Variants in ZC3H14 observed in about 807,000 individuals in gnomAD.
The protein encoded by ZC3H14 is zinc finger CCCH-type containing 14.
A neutral mutation model predicts 92.4 loss-of-function variants in ZC3H14; 31 were observed. The ratio of observed to expected loss-of-function variants is 0.34; its 90% CI spans 0.25 to 0.45. The LOEUF (loss-of-function observed/expected upper bound fraction) is 0.45, where lower values mean the gene tolerates loss of function less well. Ranked by LOEUF, ZC3H14 falls within the 20% of genes least tolerant of loss-of-function variation. The probability of loss-of-function intolerance (pLI) is 1.00; values close to 1 mark genes in which losing one functional copy is unlikely to be tolerated. For missense variants in ZC3H14, 781 were observed against 897.3 expected (o/e 0.87, Z 1.66); for synonymous variants, 321 against 300.9 (o/e 1.07, Z -0.69).
rs1436158101 is a variant in ZC3H14 at position 88,616,604 on chromosome 14, G to C, written c.*4853G>C. 7.9e-6 allele frequency: 8 copies of C among 1,009,134 alleles called. No homozygotes were observed. The highest frequency in any genetic ancestry group is 5.8e-5 in the Admixed American group (2 of 34,332). 62.5% of individuals were successfully genotyped at this position (1,009,134 alleles called of 1,614,324 possible). On this transcript the variant is annotated 3_prime_UTR_variant, in exon 17 of 17. Coordinates refer to ENST00000251038, the MANE Select transcript of ZC3H14 (RefSeq NM_024824.5). ...TTTTATTTCAAAGTAAATAGATTTAGAAAGTTTGGGGAAAAATTTAGAAAT... is the reference window on the plus strand; with the variant it reads ...TTTTATTTCAAAGTAAATAGATTTACAAAGTTTGGGGAAAAATTTAGAAAT...
chr14:88,602,700 C>T, intron 11 of ZC3H14, 128 bp from the exon 12 acceptor site: 1 of 961,318 alleles, frequency 1.0e-6, no homozygotes, highest in Non-Finnish European at 1.6e-6. Flanking sequence ...GGTAGCCCTA[C>T]CTAGTCTTTT....
In ZC3H14 at chr14:88,620,889, C is replaced by T. The variant is rs769067732; in HGVS notation, c.*9138C>T. 1.2e-5 allele frequency: 18 copies of T among 1,535,576 alleles called. No homozygotes were observed. The highest frequency in any genetic ancestry group is 5.0e-5 in the South Asian group (4 of 79,390). On this transcript the variant is annotated 3_prime_UTR_variant, in exon 17 of 17. Transcript: ENST00000251038. The surrounding 1 kb of genome is among the most constrained non-coding windows in gnomAD (Gnocchi z 4.3). ...CCCTTCAGGGCTGTAACACACAGTA[C>T]GAGCAGCATGTCCCAAATTCACTTT...
At chr14:88,567,111 AT>A (rs1278362356) in intron 2 of ZC3H14, among the ~76,000 whole-genome samples, 2 of 14,664 alleles carry the variant, frequency 1.4e-4, no homozygotes, top group Non-Finnish European at 6.2e-4. Flanking sequence ...TCTTTTATTT[AT>A]TTTATTTATT....
chr14:88,582,124 A>G (rs2081977863), intron 9 of ZC3H14, among the ~76,000 whole-genome samples: 1 of 152,248 alleles, frequency 6.6e-6, no homozygotes. Context: ...AACCTCTGAT[A>G]TAGTAGATGA....
chr14:88,578,228 A>G (rs2081415803), intron 9 of ZC3H14, 88 bp downstream of exon 9: 1 of 1,501,384 alleles, frequency 6.7e-7, no homozygotes, highest in Non-Finnish European at 9.2e-7. Context: ...GAAATATTAC[A>G]CTATGAAAAA....
Position 88,625,064 on chromosome 14 carries a change from A to C in ZC3H14, c.*13313A>C. On this transcript the variant is annotated 3_prime_UTR_variant, in exon 17 of 17. Transcript: ENST00000251038. ...TTGTGAGCTCTCGCCACGATTCTAC[A>C]CAATATGTGATCTTTCCACACACAG... 1 of 1,613,948 alleles carries C rather than the reference A, an allele frequency of 6.2e-7. No homozygotes were observed. Among genetic ancestry groups the C allele is most frequent in the Non-Finnish European group, 8.5e-7 (1 of 1,179,840 alleles).
chr14:88,582,295 C>A (rs2081997850), intron 9 of ZC3H14, among the ~76,000 whole-genome samples: 1 of 152,114 alleles, frequency 6.6e-6, no homozygotes, highest in Admixed American at 6.5e-5. Context: ...CATCAAGCTC[C>A]CAGTCCAGCA....
rs2087023585 is a variant in ZC3H14, at chr14:88,612,984, A to T, written c.*1233A>T. On this transcript the variant is annotated 3_prime_UTR_variant, in exon 17 of 17. Transcript: ENST00000251038. ...TCAGGACCAAATTAAACTGCTAAAA[A>T]AAAAAAAAAAGTTCATTGACTTGCT... 2 of 152,588 alleles carry T rather than the reference A, an allele frequency of 1.3e-5. No individual in the cohort carries two copies. The highest frequency in any genetic ancestry group is 1.3e-4 in the Admixed American group (2 of 15,262). 9.5% of individuals were successfully genotyped at this position (152,588 alleles called of 1,614,324 possible). A position where few individuals can be genotyped will look rare whatever the true frequency, so the allele number is the denominator to read the frequency against.
chr14:88,615,862 C>T lies in ZC3H14; in HGVS notation c.*4111C>T. 1 of 1,610,138 alleles carries T rather than the reference C, an allele frequency of 6.2e-7. No individual in the cohort carries two copies. Among genetic ancestry groups the T allele is most frequent in the South Asian group, 1.1e-5 (1 of 89,946 alleles). Reference sequence around the variant, plus strand: ...CATTTCCAGACAAATAAGCTGCAATCAGAGAAGAAAATTGCAGGGAGTTAA... The same window carrying T: ...CATTTCCAGACAAATAAGCTGCAATTAGAGAAGAAAATTGCAGGGAGTTAA... On this transcript the variant is annotated 3_prime_UTR_variant, in exon 17 of 17. Coordinates refer to ENST00000251038, the MANE Select transcript of ZC3H14 (RefSeq NM_024824.5).
chr14:88,586,497 A>G (rs919651668), intron 9 of ZC3H14: 2 of 152,082 alleles, frequency 1.3e-5, no homozygotes, highest in African/African-American at 4.8e-5. Context: ...TATATATATT[A>G]TTATCCCACT....
rs1022398298 is a variant in ZC3H14, at chr14:88,607,303, A to T, written c.1808A>T (p.Tyr603Phe). 1 of 1,613,924 alleles carries T rather than the reference A, an allele frequency of 6.2e-7. No homozygotes were observed. Among genetic ancestry groups the T allele is most frequent in the Non-Finnish European group, 8.5e-7 (1 of 1,179,980 alleles). The change falls in exon 13 of 17, where the codon TAC becomes TTC. Residue 603 changes from tyrosine to phenylalanine, a missense_variant. Coordinates refer to ENST00000251038, the MANE Select transcript of ZC3H14 (RefSeq NM_024824.5). The part of the protein sequence containing the change: ...KPEKLLERCK[Y>F]WPACKNGDEC... ...GAAAAACTTTTGGAGCGCTGCAAGT[A>T]CTGGCCTGCTTGTAAAAATGGGGAT... is the stretch of plus-strand genomic sequence containing the variant.
chr14:88,572,540 A>G, intron 5 of ZC3H14, 38 bp from the exon 6 acceptor site: 1 of 1,610,924 alleles, frequency 6.2e-7, no homozygotes, highest in Non-Finnish European at 8.5e-7. Context: ...TAATTGCCCT[A>G]ATTTGGCTGT....
intron 9 of ZC3H14, among the ~76,000 whole-genome samples, chr14:88,584,675 T>G (rs1008539287): frequency 1.4e-4 from 22 of 152,204 alleles, no homozygotes; most frequent in African/African-American, 5.3e-4. Context: ...TCTGCGACAG[T>G]TCAGCTCTCC....
intron 12 of ZC3H14, among the ~76,000 whole-genome samples, chr14:88,604,522 C>A: frequency 6.6e-6 from 1 of 151,722 alleles, no homozygotes; most frequent in East Asian, 1.9e-4. Context: ...ATGCTACCAA[C>A]AACAACATCT....
chr14:88,570,969 T>G, intron 3 of ZC3H14, 115 bp from the exon 4 acceptor site: 3 of 810,060 alleles, frequency 3.7e-6, no homozygotes, highest in Non-Finnish European at 5.2e-6. Flanking sequence ...ATAATAAAAA[T>G]ATAAAAAAAT....
chr14:88,595,493 TC>T (rs1357555939), intron 9 of ZC3H14, among the ~76,000 whole-genome samples: 1 of 152,324 alleles, frequency 6.6e-6, no homozygotes, highest in African/African-American at 2.4e-5. Context: ...AGAGCATTCT[TC>T]CTGTAACTTT....
In ZC3H14 at chr14:88,575,833, CTT is replaced by C; in HGVS notation, c.1023-4_1023-3del. 6.2e-7 allele frequency: 1 copy of C among 1,608,920 alleles called. No homozygotes were observed. The highest frequency in any genetic ancestry group is 1.1e-5 in the South Asian group (1 of 90,974). On this transcript the variant is annotated splice_region_variant and splice_polypyrimidine_tract_variant and intron_variant, in intron 7 of 16. Transcript: ENST00000251038. ...TTTAATAAAAATACCTTTCTTAACT[CTT>C]TTAGACCTTCTCTTCCACCTTCTAA... is the stretch of plus-strand genomic sequence containing the variant.
rs1304576432 is a variant in ZC3H14, at chr14:88,612,059, CATCATGGTTA to C, written c.*309_*318del. The C allele has an allele frequency of 2.5e-6, 1 of 407,414 alleles. No homozygotes were observed. Among genetic ancestry groups the C allele is most frequent in the African/African-American group, 2.0e-5 (1 of 49,338 alleles). 25.2% of individuals were successfully genotyped at this position (407,414 alleles called of 1,614,324 possible). A position where few individuals can be genotyped will look rare whatever the true frequency, so the allele number is the denominator to read the frequency against. ...TGTGAGGATCAGCATATGAAATTGA[CATCATGGTTA>C]GTCATGGTACTGCAGCTTAGGGGGC... On this transcript the variant is annotated 3_prime_UTR_variant, in exon 17 of 17. Transcript: ENST00000251038.
chr14:88,622,495 C>G lies in ZC3H14; in HGVS notation c.*10744C>G. ...GAGTAATGTTGGCAAGCAAATCCAT[C>G]GTTATGCATTATTAAGTATTGTTCA... On this transcript the variant is annotated 3_prime_UTR_variant, in exon 17 of 17. Transcript: ENST00000251038. 1.2e-6 allele frequency: 1 copy of G among 826,800 alleles called. No individual in the cohort carries two copies. Among genetic ancestry groups the G allele is most frequent in the Non-Finnish European group, 1.7e-6 (1 of 575,882 alleles). 51.2% of individuals were successfully genotyped at this position (826,800 alleles called of 1,614,324 possible).
Sources: gnomAD v4.1 joint callset for allele counts (sites outside exome capture counted in the v4.1 genomes callset) on GRCh38, gnomAD v4.1.1 for gene constraint, Gnocchi (gnomAD v3.1) non-coding constraint, MANE v1.5 for transcripts, NCBI Gene and HGNC (gene_info 2026-07-23, HGNC 2026-07-21) for gene names.